Variants in ARMC2 observed in about 807,000 individuals in gnomAD.
The protein encoded by ARMC2 is armadillo repeat-containing protein 2.
ARMC2 carries 67 observed loss-of-function variants against 90.3 expected under a neutral mutation model. The ratio of observed to expected loss-of-function variants is 0.74; its 90% CI spans 0.61 to 0.91. ARMC2 has a LOEUF of 0.91. Ranked by LOEUF, ARMC2 falls within the 40% of genes least tolerant of loss-of-function variation. The pLI is 0.00. For missense variants in ARMC2, 920 were observed against 1,030.9 expected (o/e 0.89, Z 1.47); for synonymous variants, 393 against 393.0 (o/e 1.00, Z 0.00).
chr6:108,989,853 A>G, the ARMC2 span, among the ~76,000 whole-genome samples: 1 of 152,098 alleles, frequency 6.6e-6, no homozygotes, highest in African/African-American at 2.4e-5. Context: ...GAAGTCTCCT[A>G]TTGAGTTTTC....
intron 17 of ARMC2, among the ~76,000 whole-genome samples, chr6:108,970,231 C>A (rs1053806226): frequency 3.9e-5 from 6 of 152,058 alleles, no homozygotes; most frequent in African/African-American, 1.4e-4. Context: ...CTTGTCTAAC[C>A]CAATTTAGAA....
At chr6:108,986,375 TAGAA>T in the ARMC2 span, 1 of 152,610 alleles carries the variant, frequency 6.6e-6, no homozygotes, top group East Asian at 1.9e-4. Context: ...TGAAAGTAGA[TAGAA>T]ACTCAAAATT....
chr6:108,988,619 G>A, the ARMC2 span: 1 of 1,612,888 alleles, frequency 6.2e-7, no homozygotes, highest in Non-Finnish European at 8.5e-7. Context: ...GCAAACAACA[G>A]TTTTGATATA....
At chr6:108,850,781 C>T (rs1228030772) in intron 1 of ARMC2, among the ~76,000 whole-genome samples, 3 of 152,138 alleles carry the variant, frequency 2.0e-5, no homozygotes, top group Admixed American at 6.5e-5. Flanking sequence ...CTGTGCCTCA[C>T]GTGGACGGTT....
At chr6:108,986,282 T>TAAAG in the ARMC2 span, among the ~76,000 whole-genome samples, 2 of 152,210 alleles carry the variant, frequency 1.3e-5, no homozygotes, top group Non-Finnish European at 2.9e-5. Context: ...GATAAGATTC[T>TAAAG]AAAGAAAGTC....
At chr6:108,895,068 G>A (rs1017526023) in intron 6 of ARMC2, among the ~76,000 whole-genome samples, 2 of 151,024 alleles carry the variant, frequency 1.3e-5, no homozygotes, top group Admixed American at 1.3e-4. Flanking sequence ...GCCCGGCCTA[G>A]ATGACAGTCT....
chr6:109,009,548 C>G, the ARMC2 span: 2 of 1,003,254 alleles, frequency 2.0e-6, no homozygotes, highest in Non-Finnish European at 2.3e-6. Context: ...TCAGTCAGCA[C>G]GGACGGCGGG....
the ARMC2 span, among the ~76,000 whole-genome samples, chr6:109,035,733 T>C: frequency 6.6e-6 from 1 of 152,136 alleles, no homozygotes; most frequent in Middle Eastern, 3.2e-3. Context: ...CCCCAGTAGC[T>C]GGGACTACAG....
At chr6:109,000,494 A>T in the ARMC2 span, 1 of 1,561,976 alleles carries the variant, frequency 6.4e-7, no homozygotes, top group Non-Finnish European at 8.7e-7. Context: ...TGCTTACCTC[A>T]ATGTGTTCTT....
chr6:108,925,965 G>A (rs1223432825), intron 10 of ARMC2, among the ~76,000 whole-genome samples: 1 of 152,182 alleles, frequency 6.6e-6, no homozygotes, highest in Non-Finnish European at 1.5e-5. Context: ...GAAGAAACTT[G>A]AGCTGTCTAA....
At chr6:108,853,128 A>AT (rs1427377312) in intron 1 of ARMC2, among the ~76,000 whole-genome samples, 2 of 152,086 alleles carry the variant, frequency 1.3e-5, no homozygotes, top group Admixed American at 6.6e-5. Flanking sequence ...TTATCAAGTA[A>AT]TTTTTTTACT....
chr6:109,021,763 T>C, the ARMC2 span, among the ~76,000 whole-genome samples: 1 of 152,150 alleles, frequency 6.6e-6, no homozygotes, highest in Admixed American at 6.6e-5. Context: ...TCTTCAGTTG[T>C]CACAGATAAA....
At chr6:109,012,615 T>C in the ARMC2 span, among the ~76,000 whole-genome samples, 2 of 152,288 alleles carry the variant, frequency 1.3e-5, no homozygotes, top group Non-Finnish European at 2.9e-5. Context: ...ACACCTGAGC[T>C]ACAGCTTAGA....
chr6:108,981,255 A>AT, the ARMC2 span, among the ~76,000 whole-genome samples: 1 of 152,112 alleles, frequency 6.6e-6, no homozygotes, highest in Non-Finnish European at 1.5e-5. Flanking sequence ...ATTCTCTTCC[A>AT]TACTTAGCTG....
rs1335533445 is a variant in ARMC2 at position 108,912,343 on chromosome 6, T to C, written c.1135T>C (p.Leu379=). 10 of 1,597,484 alleles carry C rather than the reference T, an allele frequency of 6.3e-6. No individual in the cohort carries two copies. The African/African-American group carries it at 1.4e-4, about 22-fold the overall frequency. Residue 379 remains leucine (L), a synonymous_variant, in exon 10 of 18, where the codon TTG becomes CTG. Transcript: ENST00000392644. ...IQNDSILESL[L]EVLRSEDLQT... is the part of the protein sequence containing the mutation. ...ATTAATCTTTTTGACAGAATCATTA[T>C]TGGAGGTACTAAGAAGTGAAGACCT... is the stretch of plus-strand genomic sequence containing the variant.
intron 10 of ARMC2, among the ~76,000 whole-genome samples, chr6:108,913,801 A>T (rs1475976114): frequency 6.6e-6 from 1 of 152,036 alleles, no homozygotes; most frequent in Non-Finnish European, 1.5e-5. Context: ...CTTCTGGTTT[A>T]TCCATTTAGC....
intron 1 of ARMC2, among the ~76,000 whole-genome samples, chr6:108,852,112 T>A (rs1774072657): frequency 6.6e-6 from 1 of 152,198 alleles, no homozygotes; most frequent in South Asian, 2.1e-4. Flanking sequence ...ATACTTTAAG[T>A]AGATAAGCTT....
At chr6:109,006,423 T>C in the ARMC2 span, among the ~76,000 whole-genome samples, 1 of 151,738 alleles carries the variant, frequency 6.6e-6, no homozygotes, top group Non-Finnish European at 1.5e-5. Flanking sequence ...ACATTAGGTA[T>C]ATCTCCTAAT....
the ARMC2 span, among the ~76,000 whole-genome samples, chr6:108,980,502 C>A: frequency 8.3e-6 from 1 of 120,412 alleles, no homozygotes; most frequent in African/African-American, 2.9e-5. Flanking sequence ...GTCTGCTCCT[C>A]CTCAGGAGTT....
Sources: gnomAD v4.1 joint callset for allele counts (sites outside exome capture counted in the v4.1 genomes callset) on GRCh38, gnomAD v4.1.1 for gene constraint, MANE v1.5 for transcripts, NCBI Gene and HGNC (gene_info 2026-07-23, HGNC 2026-07-21) for gene names.